TMTC3: variants seen among roughly 807,000 people sequenced by gnomAD.
The protein encoded by TMTC3 is protein O-mannosyl-transferase TMTC3.
Under a neutral mutation model 92.2 loss-of-function variants are expected in TMTC3, and 52 were observed. The ratio of observed to expected loss-of-function variants is 0.56; its 90% confidence interval spans 0.45 to 0.71. The LOEUF (loss-of-function observed/expected upper bound fraction) is 0.71, where lower values mean the gene tolerates loss of function less well. Ranked by LOEUF, TMTC3 falls within the 30% of genes least tolerant of loss-of-function variation. TMTC3 has a pLI of 0.00. For missense variants in TMTC3, 896 were observed against 1,057.1 expected, an observed-to-expected ratio of 0.85 and a Z score of 2.11; for synonymous variants, 339 against 363.3, an observed-to-expected ratio of 0.93 and a Z score of 0.76.
chr12:88,187,517 G>T (rs983578958), intron 10 of TMTC3, among the ~76,000 whole-genome samples: 3 of 151,450 alleles, frequency 2.0e-5, no homozygotes, highest in Non-Finnish European at 4.4e-5. Flanking sequence ...TAGCTTAAAC[G>T]TTTTTTTTGC....
At chr12:88,159,990 A>G (rs2041056930) in intron 4 of TMTC3, 124 bp from the exon 5 acceptor site, 1 of 546,176 alleles carries the variant, frequency 1.8e-6, no homozygotes, top group Non-Finnish European at 3.1e-6. Context: ...ATTTTAAAGT[A>G]TGTACTACTA....
In TMTC3 at chr12:88,192,779, C is replaced by A. The variant is rs201227959; in HGVS notation, c.1882C>A (p.Pro628Thr). The A allele has an allele frequency of 4.3e-6, 7 of 1,613,066 alleles. No homozygotes were observed. Among genetic ancestry groups the A allele is most frequent in the Non-Finnish European group, 3.4e-6 (4 of 1,179,636 alleles). ...CTTTAATCGTGCTCTGGAACTAAAT[C>A]CAAAGCATAAACTAGCATTATTCAA... is the stretch of plus-strand genomic sequence containing the variant. ...KNFNRALELN[P>T]KHKLALFNSA... The change falls in exon 13 of 14, where the codon CCA becomes ACA. Residue 628 changes from proline (P) to threonine (T), a missense_variant. Coordinates refer to ENST00000266712, the MANE Select transcript of TMTC3 (RefSeq NM_181783.4).
intron 5 of TMTC3, 79 bp from the exon 6 acceptor site, chr12:88,160,600 C>G: frequency 8.3e-7 from 1 of 1,202,676 alleles, no homozygotes; most frequent in Non-Finnish European, 1.2e-6. Context: ...TCTAATCTTG[C>G]AATTAGAAAG....
In TMTC3 at chr12:88,176,252, T is replaced by G. The variant is rs759801038; in HGVS notation, c.1365T>G (p.Ala455=). The change falls in exon 10 of 14, where the codon GCT becomes GCG. Residue 455 remains alanine, a synonymous_variant. Coordinates refer to ENST00000266712, the MANE Select transcript of TMTC3 (RefSeq NM_181783.4). The part of the protein sequence containing the change: ...NAKLWNNVGH[A]LENEKNFERA... Reference sequence around the variant, plus strand: ...AACTTTGGAATAATGTGGGTCATGCTCTGGAAAATGAAAAGAACTTTGAGA... The same window carrying G: ...AACTTTGGAATAATGTGGGTCATGCGCTGGAAAATGAAAAGAACTTTGAGA... 1.6e-5 allele frequency: 26 copies of G among 1,612,464 alleles called. No homozygotes were observed. In the South Asian group the frequency reaches 2.6e-4, roughly 16 times the overall value.
intron 1 of TMTC3, among the ~76,000 whole-genome samples, chr12:88,148,062 G>A (rs1041604377): frequency 1.3e-5 from 2 of 152,086 alleles, no homozygotes; most frequent in Admixed American, 6.6e-5. Flanking sequence ...GCTTTATCCC[G>A]TAAGAGAGGG....
At chr12:88,174,797 T>A in intron 9 of TMTC3, 70 bp downstream of exon 9, 1 of 1,576,872 alleles carries the variant, frequency 6.3e-7, no homozygotes, top group East Asian at 2.3e-5. Context: ...CTAAGCTGTT[T>A]TAACTTTGTT....
chr12:88,174,495 A>G (rs577359437), intron 8 of TMTC3, 112 bp from the exon 9 acceptor site: 1 of 1,223,508 alleles, frequency 8.2e-7, no homozygotes, highest in South Asian at 1.6e-5. Context: ...GAATAAATTA[A>G]CATATGATAT....
rs2041513144 is a variant in TMTC3, at chr12:88,196,421, T to A, written c.*772T>A. 6.6e-6 allele frequency: 1 copy of A among 152,196 alleles called. No homozygotes were observed. The highest frequency in any genetic ancestry group is 2.4e-5 in the African/African-American group (1 of 41,400). 9.4% of individuals were successfully genotyped at this position (152,196 alleles called of 1,614,324 possible). ...CATGATTTTTTTTTTTTACTTTTAC[T>A]CCCCAAATTATTCATGTTTCTTAGA... On this transcript the variant is annotated 3_prime_UTR_variant, in exon 14 of 14. Transcript: ENST00000266712.
intron 1 of TMTC3, among the ~76,000 whole-genome samples, chr12:88,144,136 A>G (rs923769022): frequency 1.3e-5 from 2 of 152,152 alleles, no homozygotes; most frequent in Non-Finnish European, 2.9e-5. Flanking sequence ...TTTTATCAGC[A>G]AAGTCTTTAT....
chr12:88,193,152 T>C (rs931767862), intron 13 of TMTC3, among the ~76,000 whole-genome samples: 2 of 152,066 alleles, frequency 1.3e-5, no homozygotes, highest in Non-Finnish European at 2.9e-5. Flanking sequence ...ATATAAACTC[T>C]CCAAATAATA....
intron 7 of TMTC3, among the ~76,000 whole-genome samples, chr12:88,171,905 C>T (rs1204169703): frequency 1.3e-5 from 2 of 151,958 alleles, no homozygotes; most frequent in Non-Finnish European, 2.9e-5. Flanking sequence ...TACAGGTGTG[C>T]GATGACATCT....
chr12:88,152,259 A>G (rs1017205297), intron 2 of TMTC3, among the ~76,000 whole-genome samples: 4 of 152,274 alleles, frequency 2.6e-5, no homozygotes, highest in African/African-American at 9.6e-5. Context: ...TAGAAGGTGA[A>G]GGGGGAGCAG....
intron 8 of TMTC3, among the ~76,000 whole-genome samples, chr12:88,174,141 G>T (rs538547385): frequency 6.6e-6 from 1 of 152,152 alleles, no homozygotes; most frequent in South Asian, 2.1e-4. Context: ...CCTGTTAATA[G>T]ACAATTCTAG....
intron 1 of TMTC3, among the ~76,000 whole-genome samples, chr12:88,143,548 A>G (rs1218538680): frequency 6.6e-6 from 1 of 152,168 alleles, no homozygotes; most frequent in Non-Finnish European, 1.5e-5. Context: ...CATATTCTTA[A>G]CTTCTATACA....
At chr12:88,167,460 CATTT>C (rs1186901271) in intron 7 of TMTC3, among the ~76,000 whole-genome samples, 1 of 152,038 alleles carries the variant, frequency 6.6e-6, no homozygotes, top group Non-Finnish European at 1.5e-5. Flanking sequence ...TTTTCTCAGG[CATTT>C]ATTATATGTC....
At chr12:88,159,988 G>GTATC in intron 4 of TMTC3, 126 bp from the exon 5 acceptor site, 1 of 513,218 alleles carries the variant, frequency 1.9e-6, no homozygotes, top group Non-Finnish European at 3.3e-6. Flanking sequence ...ATATTTTAAA[G>GTATC]TATGTACTAC....
chr12:88,145,323 A>G (rs1565940524), intron 1 of TMTC3, among the ~76,000 whole-genome samples: 1 of 152,188 alleles, frequency 6.6e-6, no homozygotes, highest in Non-Finnish European at 1.5e-5. Flanking sequence ...GAAGGAAGAC[A>G]AGTATCTGCT....
At chr12:88,191,182 T>G (rs1044771929) in intron 12 of TMTC3, among the ~76,000 whole-genome samples, 2 of 152,344 alleles carry the variant, frequency 1.3e-5, no homozygotes, top group East Asian at 3.9e-4. Flanking sequence ...AGAAAACTAA[T>G]AGTAATTTGT....
chr12:88,195,398 A>T lies in TMTC3; in HGVS notation c.2494A>T (p.Lys832Ter). 2.5e-6 allele frequency: 4 copies of T among 1,613,858 alleles called. No individual in the cohort carries two copies. The highest frequency in any genetic ancestry group is 3.4e-6 in the Non-Finnish European group (4 of 1,179,880). The change falls in exon 14 of 14, where the codon AAG (lysine) becomes TAG (stop). Residue 832 changes from lysine to a stop codon, truncating the protein, a stop_gained. Transcript: ENST00000266712. LOFTEE classifies it high-confidence loss of function. The part of the protein sequence containing the change: ...SFIEPIFPTS[K>*]ISSVEGKKIP... The stretch of plus-strand genomic sequence containing the variant: ...TATAGAGCCAATATTCCCAACCAGT[A>T]AGATTTCAAGTGTGGAAGGAAAGAA...
Sources: allele counts gnomAD v4.1 joint callset (sites outside exome capture counted in the v4.1 genomes callset), GRCh38; gene constraint gnomAD v4.1.1; transcripts MANE v1.5; gene names NCBI Gene and HGNC (gene_info 2026-07-23, HGNC 2026-07-21).